HYCC1: variants seen among roughly 807,000 people sequenced by gnomAD.
HYCC1 encodes hyccin.
chr7:22,978,578 T>C, the HYCC1 span: 1 of 763,504 alleles, frequency 1.3e-6, no homozygotes, highest in South Asian at 1.7e-5. Flanking sequence ...AGCTAAGTTG[T>C]AGGGAGTTTC....
the HYCC1 span, among the ~76,000 whole-genome samples, chr7:22,927,512 A>G: frequency 1.3e-5 from 2 of 152,222 alleles, no homozygotes; most frequent in South Asian, 2.1e-4. Flanking sequence ...TATCACCACC[A>G]ATCCCACAGA....
At chr7:22,981,782 G>C in the HYCC1 span, among the ~76,000 whole-genome samples, 4 of 152,206 alleles carry the variant, frequency 2.6e-5, no homozygotes, top group Non-Finnish European at 4.4e-5. Context: ...ACATCAGTTA[G>C]GGAATATCAA....
chr7:22,918,816 T>A, the HYCC1 span, among the ~76,000 whole-genome samples: 1 of 150,116 alleles, frequency 6.7e-6, no homozygotes, highest in Non-Finnish European at 1.5e-5. Context: ...CACCCCTAAC[T>A]CCCTTTGCTG....
chr7:22,905,778 A>C, the HYCC1 span, among the ~76,000 whole-genome samples: 1 of 152,336 alleles, frequency 6.6e-6, no homozygotes, highest in East Asian at 1.9e-4. Flanking sequence ...GTTTGATAAA[A>C]ATGAAATATA....
At chr7:22,985,535 G>A in the HYCC1 span, 5 of 152,060 alleles carry the variant, frequency 3.3e-5, no homozygotes, top group Non-Finnish European at 7.4e-5. Flanking sequence ...TTTAATAAGA[G>A]AGTTTTATTT....
At chr7:22,924,363 G>A in the HYCC1 span, among the ~76,000 whole-genome samples, 2 of 152,120 alleles carry the variant, frequency 1.3e-5, no homozygotes, top group Admixed American at 6.5e-5. Flanking sequence ...CGCACTGTGT[G>A]TGAGCCGAAG....
chr7:23,007,886 A>T, the HYCC1 span, among the ~76,000 whole-genome samples: 2 of 152,050 alleles, frequency 1.3e-5, no homozygotes, highest in Non-Finnish European at 2.9e-5. Flanking sequence ...ATCAAACTGA[A>T]TATCTATCTT....
At chr7:22,961,803 T>C in the HYCC1 span, among the ~76,000 whole-genome samples, 9 of 152,116 alleles carry the variant, frequency 5.9e-5, no homozygotes, top group East Asian at 5.8e-4. Flanking sequence ...ATGTTGCAAA[T>C]AGCAGAGCAA....
chr7:23,013,702 G>A, the HYCC1 span, among the ~76,000 whole-genome samples: 1 of 151,640 alleles, frequency 6.6e-6, no homozygotes, highest in Non-Finnish European at 1.5e-5. Context: ...AGCGCCGGCC[G>A]CAGCCCACCC....
At chr7:22,925,523 T>G in the HYCC1 span, among the ~76,000 whole-genome samples, 1 of 152,156 alleles carries the variant, frequency 6.6e-6, no homozygotes, top group Non-Finnish European at 1.5e-5. Flanking sequence ...GCACGAGAAC[T>G]ACGTGACAAA....
chr7:22,938,450 C>G, the HYCC1 span: 1 of 152,214 alleles, frequency 6.6e-6, no homozygotes, highest in Non-Finnish European at 1.5e-5. Context: ...ACAACCAAAT[C>G]AAGGTGGCAC....
At chr7:22,921,832 G>C in the HYCC1 span, among the ~76,000 whole-genome samples, 2 of 151,938 alleles carry the variant, frequency 1.3e-5, no homozygotes. Flanking sequence ...GCCAAGTTTG[G>C]TTGAAAAAAA....
chr7:22,945,126 G>A, the HYCC1 span: 1 of 162,102 alleles, frequency 6.2e-6, no homozygotes, highest in African/African-American at 2.4e-5. Flanking sequence ...TCCTGGAGTT[G>A]TGCCTCTGCC....
the HYCC1 span, chr7:22,947,206 G>C: frequency 3.9e-6 from 6 of 1,549,920 alleles, no homozygotes; most frequent in African/African-American, 1.4e-5. Flanking sequence ...GGAATGACAA[G>C]GATGCCCAAT....
the HYCC1 span, chr7:22,977,347 G>A: frequency 5.1e-6 from 8 of 1,567,140 alleles, no homozygotes; most frequent in Admixed American, 3.3e-5. Flanking sequence ...TTACTTCATG[G>A]TATACAGATG....
chr7:22,962,095 A>T, the HYCC1 span, among the ~76,000 whole-genome samples: 1 of 152,188 alleles, frequency 6.6e-6, no homozygotes, highest in Admixed American at 6.5e-5. Context: ...CAAAATTATA[A>T]ATTCTCAAGA....
At chr7:22,967,808 T>G in the HYCC1 span, among the ~76,000 whole-genome samples, 1 of 152,214 alleles carries the variant, frequency 6.6e-6, no homozygotes, top group African/African-American at 2.4e-5. Context: ...TTAGTTTGAA[T>G]AGCTGACCAC....
the HYCC1 span, among the ~76,000 whole-genome samples, chr7:22,898,905 C>T: frequency 2.6e-5 from 4 of 152,112 alleles, no homozygotes; most frequent in South Asian, 2.1e-4. Flanking sequence ...CCGGCTGGTC[C>T]GAATATTTCT....
the HYCC1 span, among the ~76,000 whole-genome samples, chr7:23,000,872 A>T: frequency 6.6e-6 from 1 of 152,128 alleles, no homozygotes; most frequent in African/African-American, 2.4e-5. Context: ...CAGAAAAAAA[A>T]GGCTTTCCTT....
Sources: allele counts gnomAD v4.1 joint callset (sites outside exome capture counted in the v4.1 genomes callset), GRCh38; gene constraint gnomAD v4.1.1; transcripts MANE v1.5; gene names NCBI Gene and HGNC (gene_info 2026-07-23, HGNC 2026-07-21).